RABGAP1L: variants seen among roughly 807,000 people sequenced by gnomAD.
RABGAP1L encodes the protein rab GTPase-activating protein 1-like.
In RABGAP1L, 63 loss-of-function variants were observed where a neutral mutation model predicts 137.7. The observed-to-expected ratio is 0.46, with a 90% CI of 0.37 to 0.56. RABGAP1L has a LOEUF of 0.56. Ranked by LOEUF, RABGAP1L falls within the 20% of genes least tolerant of loss-of-function variation. The probability of loss-of-function intolerance (pLI) is 0.00; values close to 1 mark genes in which losing one functional copy is unlikely to be tolerated. For synonymous variants in RABGAP1L, 431 were observed against 433.7 expected (o/e 0.99, Z 0.08); for missense variants, 1,095 against 1,244.0 (o/e 0.88, Z 1.80).
chr1:174,704,242 G>A (rs1016196597), intron 17 of RABGAP1L, among the ~76,000 whole-genome samples: 4 of 152,054 alleles, frequency 2.6e-5, no homozygotes, highest in Non-Finnish European at 5.9e-5. Context: ...CAAAGTGCTG[G>A]GATTAGAGGC....
chr1:174,707,990 C>T (rs1395590459), intron 17 of RABGAP1L, among the ~76,000 whole-genome samples: 2 of 152,102 alleles, frequency 1.3e-5, no homozygotes, highest in African/African-American at 2.4e-5. Context: ...AACTGACAGC[C>T]GGTGTTTGAA....
chr1:174,626,499 T>C (rs1672954239), intron 13 of RABGAP1L, among the ~76,000 whole-genome samples: 1 of 152,248 alleles, frequency 6.6e-6, no homozygotes, highest in Non-Finnish European at 1.5e-5. Flanking sequence ...GATTTATTTC[T>C]ACCTGAAGCT....
intron 11 of RABGAP1L, among the ~76,000 whole-genome samples, chr1:174,353,571 G>A (rs529234019): frequency 2.0e-5 from 3 of 152,322 alleles, no homozygotes; most frequent in South Asian, 2.1e-4. Context: ...GCTTTAGCCC[G>A]TGGTGGTGGG....
intron 13 of RABGAP1L, among the ~76,000 whole-genome samples, chr1:174,611,371 T>C (rs1339311024): frequency 6.6e-6 from 1 of 152,194 alleles, no homozygotes; most frequent in African/African-American, 2.4e-5. Context: ...GTTGTAGATA[T>C]GTGGTGTTAC....
At chr1:174,787,584 C>T (rs1043638950) in intron 18 of RABGAP1L, among the ~76,000 whole-genome samples, 8 of 151,976 alleles carry the variant, frequency 5.3e-5, no homozygotes, top group Non-Finnish European at 1.0e-4. Context: ...CATGAGGGGT[C>T]AAGGTGACAG....
chr1:174,577,514 A>G (rs1668471123), intron 13 of RABGAP1L, among the ~76,000 whole-genome samples: 1 of 152,068 alleles, frequency 6.6e-6, no homozygotes, highest in Admixed American at 6.6e-5. Context: ...CACCAACACC[A>G]CTGAGGATCC....
At chr1:174,539,727 A>C (rs780356104) in intron 13 of RABGAP1L, among the ~76,000 whole-genome samples, 2 of 152,326 alleles carry the variant, frequency 1.3e-5, no homozygotes, top group Non-Finnish European at 2.9e-5. Flanking sequence ...AGTCTGTGCT[A>C]TTGTGAATAG....
intron 1 of RABGAP1L, among the ~76,000 whole-genome samples, chr1:174,160,340 C>T (rs1162639463): frequency 6.6e-6 from 1 of 152,176 alleles, no homozygotes; most frequent in Admixed American, 6.5e-5. Context: ...TGAGACTGGG[C>T]TAGTACTTTG....
At position 174,241,638 on chromosome 1, in the gene RABGAP1L, C is replaced by T. The variant is rs1571735195; in HGVS notation, c.698C>T (p.Ser233Phe). The change falls in exon 5 of 26, where the codon TCC becomes TTC. Residue 233 changes from serine to phenylalanine, a missense_variant. By Grantham distance (155) the Ser-to-Phe change is radical. This residue lies in a region of RABGAP1L where 356 missense variants were observed against 326.3 expected (regional missense o/e 1.09). Coordinates refer to ENST00000681986, the MANE Select transcript of RABGAP1L (RefSeq NM_001366446.1). ...GSEEFQIHVF[S>F]CEIKEAVSRI... ...GAAGAATTTCAGATACATGTTTTCTCCTGTGAAATTAAAGAGGCAGTAAGT... is the reference window on the plus strand; with the variant it reads ...GAAGAATTTCAGATACATGTTTTCTTCTGTGAAATTAAAGAGGCAGTAAGT... The T allele has an allele frequency of 1.2e-6, 2 of 1,612,400 alleles. No homozygotes were observed.
chr1:174,849,727 C>T (rs1381046627), intron 19 of RABGAP1L: 15 of 457,268 alleles, frequency 3.3e-5, no homozygotes, highest in Middle Eastern at 7.0e-4. Flanking sequence ...GAATTCGCAT[C>T]TTTCTGTTCT....
chr1:174,944,782 T>C (rs1002849583), intron 19 of RABGAP1L, among the ~76,000 whole-genome samples: 3 of 152,224 alleles, frequency 2.0e-5, no homozygotes, highest in Admixed American at 2.0e-4. Context: ...TTCCACTGTT[T>C]GTTCTTCTCA....
chr1:174,454,553 T>G (rs1284652854), intron 13 of RABGAP1L, among the ~76,000 whole-genome samples: 1 of 145,674 alleles, frequency 6.9e-6, no homozygotes, highest in Non-Finnish European at 1.5e-5. Flanking sequence ...ACTGTAGGAT[T>G]TTTTTTTTTT....
chr1:174,327,982 C>CGTATATATATAT (rs1558136076), intron 11 of RABGAP1L, among the ~76,000 whole-genome samples: 31 of 24,740 alleles, frequency 1.3e-3, no homozygotes, highest in African/African-American at 4.7e-3. Context: ...TATATATACA[C>CGTATATATATAT]ACACATATAT....
intron 22 of RABGAP1L, 142 bp downstream of exon 22, chr1:174,976,324 C>A: frequency 3.0e-6 from 2 of 675,068 alleles, no homozygotes; most frequent in Non-Finnish European, 4.8e-6. Flanking sequence ...TGTACTTACT[C>A]AACATTTTTG....
chr1:174,791,204 GA>G (rs1050320088), intron 18 of RABGAP1L, among the ~76,000 whole-genome samples: 3 of 145,110 alleles, frequency 2.1e-5, no homozygotes, highest in Non-Finnish European at 3.1e-5. Context: ...AAAAAAAAAA[GA>G]AAAAAAAATG....
intron 13 of RABGAP1L, among the ~76,000 whole-genome samples, chr1:174,428,282 G>A (rs1652195375): frequency 6.6e-6 from 1 of 152,178 alleles, no homozygotes; most frequent in Non-Finnish European, 1.5e-5. Flanking sequence ...ACAGAGATAA[G>A]CGAGACAATT....
intron 12 of RABGAP1L, among the ~76,000 whole-genome samples, chr1:174,389,629 G>T (rs908238860): frequency 6.6e-6 from 1 of 151,976 alleles, no homozygotes; most frequent in African/African-American, 2.4e-5. Context: ...GAGAATGTTT[G>T]CTTCTAAAAA....
At chr1:174,543,887 G>A (rs900492654) in intron 13 of RABGAP1L, among the ~76,000 whole-genome samples, 7 of 152,192 alleles carry the variant, frequency 4.6e-5, no homozygotes, top group Non-Finnish European at 1.0e-4. Context: ...ATTCTGGGTT[G>A]AAAATTCTTT....
At chr1:174,853,228 G>GTT (rs77745358) in intron 19 of RABGAP1L, among the ~76,000 whole-genome samples, 40 of 138,816 alleles carry the variant, frequency 2.9e-4, no homozygotes, top group South Asian at 1.2e-3. Flanking sequence ...AGGCTGGGTT[G>GTT]TTTTTTTTTT....
Sources: allele counts gnomAD v4.1 joint callset (sites outside exome capture counted in the v4.1 genomes callset), GRCh38; gene constraint gnomAD v4.1.1; regional missense constraint gnomAD v4.1.1; transcripts MANE v1.5; gene names NCBI Gene and HGNC (gene_info 2026-07-23, HGNC 2026-07-21).